Variants in AGPAT4 observed in about 807,000 individuals in gnomAD.
AGPAT4 encodes 1-acyl-sn-glycerol-3-phosphate acyltransferase delta.
AGPAT4 carries 15 observed loss-of-function variants against 48.0 expected under a neutral mutation model. The ratio of observed to expected loss-of-function variants is 0.31; its 90% CI spans 0.21 to 0.48. The LOEUF is 0.48. Ranked by LOEUF, AGPAT4 falls within the 20% of genes least tolerant of loss-of-function variation. AGPAT4 has a pLI of 0.99. For missense variants in AGPAT4, 314 were observed against 482.5 expected, an observed-to-expected ratio of 0.65 and a Z score of 3.27; for synonymous variants, 178 against 198.7, an observed-to-expected ratio of 0.90 and a Z score of 0.88.
Position 161,187,491 on chromosome 6 carries a change from T to C in AGPAT4, c.179-21074A>G, listed in dbSNP as rs372656863. Reference sequence around the variant, plus strand: ...CAGCAAAAATCAGTTAAGGATGGTATGGTCCTGAAGCCCATTTATTTATTT... The same window carrying C: ...CAGCAAAAATCAGTTAAGGATGGTACGGTCCTGAAGCCCATTTATTTATTT... On this transcript the variant is annotated intron_variant, in intron 2 of 8. Transcript: ENST00000320285. 4.0e-5 allele frequency among the ~76,000 whole-genome samples: 6 copies of C among 151,726 alleles called. No individual in the cohort carries two copies. In the East Asian group the frequency reaches 1.2e-3, roughly 29 times the overall value.
chr6:161,149,283 G>C lies in AGPAT4; in HGVS notation c.671C>G (p.Ala224Gly). ...TVRSLRNVVS[A>G]VYDCTLNFRN... ...GAAATTGAGTGTACAGTCATATACA[G>C]CTGAAACTATAAAAAATAAAACAAA... Residue 224 changes from alanine to glycine, a missense_variant, in exon 6 of 9, where the codon GCT (alanine) becomes GGT (glycine). Coordinates refer to ENST00000320285, the MANE Select transcript of AGPAT4 (RefSeq NM_020133.3). This position sits in a 1 kb window ranked among gnomAD's most constrained non-coding sequence, Gnocchi z 6.5. 2 of 1,606,356 alleles carry C rather than the reference G, an allele frequency of 1.2e-6. No homozygotes were observed. The highest frequency in any genetic ancestry group is 1.7e-6 in the Non-Finnish European group (2 of 1,178,264).
rs2093576033 is a variant in AGPAT4, at chr6:161,233,672, T to C, written c.-89-1370A>G. On this transcript the variant is annotated intron_variant, in intron 1 of 8. Transcript: ENST00000320285. The surrounding 1 kb of genome is among the most constrained non-coding windows in gnomAD (Gnocchi z 5.4). ...ATAAAATAGGCCTTGTGTAAGATGATTTGGCCTAACTGTAGGCTAACGTAA... is the reference window on the plus strand; with the variant it reads ...ATAAAATAGGCCTTGTGTAAGATGACTTGGCCTAACTGTAGGCTAACGTAA... Among the ~76,000 whole-genome samples the C allele has an allele frequency of 2.0e-5, 3 of 152,330 alleles. No individual in the cohort carries two copies. The South Asian group carries it at 6.2e-4, about 32-fold the overall frequency.
At chr6:161,213,163 G>A (rs1377431714) in intron 2 of AGPAT4, among the ~76,000 whole-genome samples, 1 of 152,132 alleles carries the variant, frequency 6.6e-6, no homozygotes, top group Non-Finnish European at 1.5e-5. Context: ...GTATTTGATG[G>A]CACAAATCCA....
In AGPAT4 at chr6:161,142,615, G is replaced by A. The variant is rs973424241; in HGVS notation, c.844-2995C>T. Among the ~76,000 whole-genome samples, 3 of 152,152 alleles carry A rather than the reference G, an allele frequency of 2.0e-5. No homozygotes were observed. Among genetic ancestry groups the A allele is most frequent in the Admixed American group, 6.5e-5 (1 of 15,284 alleles). On this transcript the variant is annotated intron_variant, in intron 7 of 8. Coordinates refer to ENST00000320285, the MANE Select transcript of AGPAT4 (RefSeq NM_020133.3). The surrounding 1 kb of genome is among the most constrained non-coding windows in gnomAD (Gnocchi z 6.4). ...AAGGAGACGTCCACACAGCACGTCCGCTCAGCTTTCCCAGGGCCCAGGAGA... is the reference window on the plus strand; with the variant it reads ...AAGGAGACGTCCACACAGCACGTCCACTCAGCTTTCCCAGGGCCCAGGAGA...
rs1491295109 is a variant in AGPAT4 at position 161,261,649 on chromosome 6, AGT to A, written c.-90+12287_-90+12288del. On this transcript the variant is annotated intron_variant, in intron 1 of 8. Coordinates refer to ENST00000320285, the MANE Select transcript of AGPAT4 (RefSeq NM_020133.3). This position sits in a 1 kb window ranked among gnomAD's most constrained non-coding sequence, Gnocchi z 5.3. The stretch of plus-strand genomic sequence containing the variant: ...CTTCCACAAATCCAGCTAATCATGT[AGT>A]GTTTGTAAGCTACATTTGACATGGG... Among the ~76,000 whole-genome samples, 1 of 152,234 alleles carries A rather than the reference AGT, an allele frequency of 6.6e-6. No individual in the cohort carries two copies. Among genetic ancestry groups the A allele is most frequent in the Non-Finnish European group, 1.5e-5 (1 of 68,034 alleles).
intron 1 of AGPAT4, among the ~76,000 whole-genome samples, chr6:161,265,882 T>C (rs947467371): frequency 2.6e-5 from 4 of 152,218 alleles, no homozygotes; most frequent in African/African-American, 9.7e-5. Flanking sequence ...ACGTGTCTAC[T>C]TTTAAGTTGG....
rs966804087 is a variant in AGPAT4 at position 161,135,284 on chromosome 6, C to T, written c.*1256G>A. 2 of 152,272 alleles carry T rather than the reference C, an allele frequency of 1.3e-5. No homozygotes were observed. The highest frequency in any genetic ancestry group is 4.8e-5 in the African/African-American group (2 of 41,468). The allele number at this position is 152,272 out of a possible 1,614,324, so 9.4% of individuals were successfully genotyped here. On this transcript the variant is annotated 3_prime_UTR_variant, in exon 9 of 9. Coordinates refer to ENST00000320285, the MANE Select transcript of AGPAT4 (RefSeq NM_020133.3). Reference sequence around the variant, plus strand: ...CCTTCCTAACTCATGCTCCAAATACCTATCGGTCCAAGTGCCATTGGTGTC... The same window carrying T: ...CCTTCCTAACTCATGCTCCAAATACTTATCGGTCCAAGTGCCATTGGTGTC...
In AGPAT4 at chr6:161,165,624, C is replaced by T. The variant is rs1780074184; in HGVS notation, c.348+624G>A. On this transcript the variant is annotated intron_variant, in intron 3 of 8. Transcript: ENST00000320285. This position sits in a 1 kb window ranked among gnomAD's most constrained non-coding sequence, Gnocchi z 5.5. ...ATTCAGCTATGTGACACAGGCTCAA[C>T]CGCTACACGCTGCAGTGTGTTGAAG... 2 of 1,303,070 alleles carry T rather than the reference C, an allele frequency of 1.5e-6. No homozygotes were observed. Among genetic ancestry groups the T allele is most frequent in the Non-Finnish European group, 2.0e-6 (2 of 988,946 alleles). 80.7% of individuals were successfully genotyped at this position (1,303,070 alleles called of 1,614,324 possible).
chr6:161,244,870 G>C lies in AGPAT4; in HGVS notation c.-89-12568C>G, dbSNP rs116255966. On this transcript the variant is annotated intron_variant, in intron 1 of 8. Transcript: ENST00000320285. This position sits in a 1 kb window ranked among gnomAD's most constrained non-coding sequence, Gnocchi z 4.7. ...CAGTGAAGGTCACCAACCACAGACA[G>C]ATGGGCCAAAACCCCAGGCCTGGGG... is the stretch of plus-strand genomic sequence containing the variant. Among the ~76,000 whole-genome samples the C allele has an allele frequency of 3.0e-3, 461 of 152,334 alleles. 3 individuals are homozygous for C. The highest frequency in any genetic ancestry group is 0.011 in the African/African-American group (444 of 41,574).
chr6:161,210,709 T>C (rs1781499365), intron 2 of AGPAT4, among the ~76,000 whole-genome samples: 2 of 152,238 alleles, frequency 1.3e-5, no homozygotes, highest in South Asian at 4.1e-4. Context: ...GCATATATTT[T>C]TGTTTGCATT....
rs1781858429 is a variant in AGPAT4, at chr6:161,222,352, A to G, written c.178+9684T>C. 6.6e-6 allele frequency among the ~76,000 whole-genome samples: 1 copy of G among 152,200 alleles called. No homozygotes were observed. On this transcript the variant is annotated intron_variant, in intron 2 of 8. Coordinates refer to ENST00000320285, the MANE Select transcript of AGPAT4 (RefSeq NM_020133.3). This position sits in a 1 kb window ranked among gnomAD's most constrained non-coding sequence, Gnocchi z 5.9. ...AACATACATGATCATTGTGTAAAAT[A>G]TAAGACATCCAGATAATAAGACAAT...
chr6:161,144,726 C>T lies in AGPAT4; in HGVS notation c.843+1798G>A, dbSNP rs1006180327. Among the ~76,000 whole-genome samples the T allele has an allele frequency of 8.5e-5, 13 of 152,148 alleles. No individual in the cohort carries two copies. The highest frequency in any genetic ancestry group is 1.9e-4 in the Non-Finnish European group (13 of 68,034). ...GGGCACGGTGGCTCACGCCTGTAAT[C>T]CCAGCACTTTGGGAGGCCGAGGAGG... On this transcript the variant is annotated intron_variant, in intron 7 of 8. Transcript: ENST00000320285. The surrounding 1 kb of genome is among the most constrained non-coding windows in gnomAD (Gnocchi z 6.6).
Position 161,219,824 on chromosome 6 carries a change from G to GAGATAGATAGATAGATAGAT in AGPAT4, c.178+12192_178+12211dup, listed in dbSNP as rs55973440. ...AGATTCACAGTAAAAAAGATAGACA[G>GAGATAGATAGATAGATAGAT]AGATAGATAGATAGATAGATAGATA... On this transcript the variant is annotated intron_variant, in intron 2 of 8. Coordinates refer to ENST00000320285, the MANE Select transcript of AGPAT4 (RefSeq NM_020133.3). The surrounding 1 kb of genome is among the most constrained non-coding windows in gnomAD (Gnocchi z 4.9). Among the ~76,000 whole-genome samples the GAGATAGATAGATAGATAGAT allele has an allele frequency of 1.1e-4, 10 of 89,530 alleles. No individual in the cohort carries two copies. Among genetic ancestry groups the GAGATAGATAGATAGATAGAT allele is most frequent in the East Asian group, 7.9e-4 (2 of 2,528 alleles). 58.7% of individuals were successfully genotyped at this position (89,530 alleles called of 152,430 possible).
At chr6:161,227,763 C>T (rs189046510) in intron 2 of AGPAT4, among the ~76,000 whole-genome samples, 9 of 152,310 alleles carry the variant, frequency 5.9e-5, no homozygotes, top group Non-Finnish European at 1.0e-4. Flanking sequence ...AAACAGATAT[C>T]ATTTTCACCA....
At chr6:161,205,110 T>G (rs1265797027) in intron 2 of AGPAT4, among the ~76,000 whole-genome samples, 2 of 152,184 alleles carry the variant, frequency 1.3e-5, no homozygotes, top group Non-Finnish European at 2.9e-5. Context: ...AACGCCGTTT[T>G]GCTCAGAGTC....
At chr6:161,260,267 C>T (rs976399847) in intron 1 of AGPAT4, among the ~76,000 whole-genome samples, 1 of 152,128 alleles carries the variant, frequency 6.6e-6, no homozygotes, top group Non-Finnish European at 1.5e-5. Context: ...TGACCAGTCC[C>T]AAGGAGCTTG....
rs1178338963 is a variant in AGPAT4 at position 161,149,101 on chromosome 6, C to T, written c.767+86G>A. On this transcript the variant is annotated intron_variant, in intron 6 of 8. Coordinates refer to ENST00000320285, the MANE Select transcript of AGPAT4 (RefSeq NM_020133.3). The surrounding 1 kb of genome is among the most constrained non-coding windows in gnomAD (Gnocchi z 6.5). ...AAGAAGTCAGTGTGACCCAGGGATC[C>T]CTGGAAGAAAGTCTCTAGGTCATTT... is the stretch of plus-strand genomic sequence containing the variant. 2 of 1,503,316 alleles carry T rather than the reference C, an allele frequency of 1.3e-6. No individual in the cohort carries two copies. Among genetic ancestry groups the T allele is most frequent in the East Asian group, 2.3e-5 (1 of 42,838 alleles). The allele number at this position is 1,503,316 out of a possible 1,614,324, so 93.1% of individuals were successfully genotyped here.
chr6:161,152,734 C>T (rs1378802908), intron 5 of AGPAT4, among the ~76,000 whole-genome samples: 1 of 152,186 alleles, frequency 6.6e-6, no homozygotes. Context: ...AGAAGGAGCA[C>T]AGGAAGCCGC....
At position 161,196,814 on chromosome 6, in the gene AGPAT4, G is replaced by A. The variant is rs1000083935; in HGVS notation, c.179-30397C>T. Among the ~76,000 whole-genome samples the A allele has an allele frequency of 1.0e-4, 13 of 130,278 alleles. No homozygotes were observed. The highest frequency in any genetic ancestry group is 3.8e-3 in the Middle Eastern group (1 of 264). 85.5% of individuals were successfully genotyped at this position (130,278 alleles called of 152,430 possible). Reference sequence around the variant, plus strand: ...ACAGAGAAAGACTCTATCTCCCCCCGCCAAAAAAAAAAAAAAAATGCCAAG... The same window carrying A: ...ACAGAGAAAGACTCTATCTCCCCCCACCAAAAAAAAAAAAAAAATGCCAAG... On this transcript the variant is annotated intron_variant, in intron 2 of 8. Coordinates refer to ENST00000320285, the MANE Select transcript of AGPAT4 (RefSeq NM_020133.3). This position sits in a 1 kb window ranked among gnomAD's most constrained non-coding sequence, Gnocchi z 4.3.
Sources: gnomAD v4.1 joint callset for allele counts (sites outside exome capture counted in the v4.1 genomes callset) on GRCh38, gnomAD v4.1.1 for gene constraint, Gnocchi (gnomAD v3.1) non-coding constraint, MANE v1.5 for transcripts, NCBI Gene and HGNC (gene_info 2026-07-23, HGNC 2026-07-21) for gene names.